Variants in ZNF385B observed in about 807,000 individuals in gnomAD.
ZNF385B encodes the protein zinc finger protein 533.
ZNF385B carries 23 observed loss-of-function variants against 39.2 expected under a neutral mutation model. The ratio of observed to expected loss-of-function variants is 0.59; its 90% CI spans 0.42 to 0.83. ZNF385B has a LOEUF of 0.83. Ranked by LOEUF, ZNF385B falls within the 40% of genes least tolerant of loss-of-function variation. The pLI is 0.00. For missense variants in ZNF385B, 552 were observed against 598.9 expected (o/e 0.92, Z 0.82); for synonymous variants, 205 against 222.6 (o/e 0.92, Z 0.70).
At chr2:179,612,489 G>A (rs1486894010) in intron 3 of ZNF385B, among the ~76,000 whole-genome samples, 1 of 152,046 alleles carries the variant, frequency 6.6e-6, no homozygotes, top group African/African-American at 2.4e-5. Flanking sequence ...ACTTGTAGGG[G>A]CACTGTCTTG....
At chr2:179,611,361 G>A (rs1465942677) in intron 3 of ZNF385B, among the ~76,000 whole-genome samples, 2 of 152,118 alleles carry the variant, frequency 1.3e-5, no homozygotes, top group African/African-American at 4.8e-5. Context: ...ATTTGCGTAT[G>A]TTAAACCATC....
intron 3 of ZNF385B, among the ~76,000 whole-genome samples, chr2:179,566,233 G>A (rs2105979532): frequency 6.6e-6 from 1 of 152,330 alleles, no homozygotes; most frequent in South Asian, 2.1e-4. Flanking sequence ...AATGAAGTAT[G>A]TTCCTAATTT....
At chr2:179,841,937 T>C (rs375725419) in intron 1 of ZNF385B, among the ~76,000 whole-genome samples, 10 of 152,256 alleles carry the variant, frequency 6.6e-5, no homozygotes, top group African/African-American at 2.2e-4. Flanking sequence ...TCCCCACAAA[T>C]ACTTCCACAT....
At chr2:179,523,024 A>G in intron 4 of ZNF385B, 1 of 278,056 alleles carries the variant, frequency 3.6e-6, no homozygotes, top group Non-Finnish European at 7.7e-6. Context: ...CTTTGAGTAA[A>G]AAGCCTGAAA....
Position 179,446,683 on chromosome 2 carries a change from G to A in ZNF385B, c.803C>T (p.Pro268Leu), listed in dbSNP as rs1283452603. The A allele has an allele frequency of 6.2e-7, 1 of 1,613,874 alleles. No homozygotes were observed. The highest frequency in any genetic ancestry group is 8.5e-7 in the Non-Finnish European group (1 of 1,179,976). The change falls in exon 7 of 10, where the codon CCC (proline) becomes CTC (leucine). Residue 268 changes from proline (P) to leucine (L), a missense_variant. Transcript: ENST00000410066. ...GSFLLKSGTT[P>L]LPPGAATSPS... ...AGAAGTGGCTGCTCCAGGTGGCAGG[G>A]GTGTTGTGCCAGATTTGAGGAGAAA...
chr2:179,756,429 A>C (rs1006120670), intron 3 of ZNF385B, among the ~76,000 whole-genome samples: 3 of 151,924 alleles, frequency 2.0e-5, no homozygotes, highest in African/African-American at 7.3e-5. Flanking sequence ...CTTCATTTCA[A>C]CTTTGGTGAA....
intron 3 of ZNF385B, among the ~76,000 whole-genome samples, chr2:179,591,723 C>T (rs565748054): frequency 6.6e-6 from 1 of 151,958 alleles, no homozygotes; most frequent in African/African-American, 2.4e-5. Context: ...TCTCTTTTTT[C>T]CCCCCATAAA....
At chr2:179,809,677 G>A (rs1359195047) in intron 1 of ZNF385B, among the ~76,000 whole-genome samples, 1 of 152,002 alleles carries the variant, frequency 6.6e-6, no homozygotes, top group Admixed American at 6.6e-5. Flanking sequence ...CAGAAATTTT[G>A]AAAAACCTAA....
intron 3 of ZNF385B, among the ~76,000 whole-genome samples, chr2:179,602,368 G>A (rs1323271747): frequency 6.6e-6 from 1 of 152,080 alleles, no homozygotes; most frequent in Non-Finnish European, 1.5e-5. Flanking sequence ...GCTAATTTTT[G>A]TATTTTTAGT....
At chr2:179,571,660 T>C (rs912434058) in intron 3 of ZNF385B, among the ~76,000 whole-genome samples, 1 of 152,214 alleles carries the variant, frequency 6.6e-6, no homozygotes, top group Non-Finnish European at 1.5e-5. Flanking sequence ...AGTTACAACC[T>C]TTAAGTTCTA....
intron 3 of ZNF385B, among the ~76,000 whole-genome samples, chr2:179,696,303 G>C (rs1036214819): frequency 2.3e-5 from 3 of 129,548 alleles, no homozygotes; most frequent in African/African-American, 8.6e-5. Flanking sequence ...AAATTATACT[G>C]GGACACTAGG....
chr2:179,843,662 T>C (rs1575588819), intron 1 of ZNF385B, among the ~76,000 whole-genome samples: 1 of 152,218 alleles, frequency 6.6e-6, no homozygotes, highest in Non-Finnish European at 1.5e-5. Context: ...CATTTGTGCA[T>C]TGGTATATGT....
At chr2:179,481,769 T>C (rs188998197) in intron 6 of ZNF385B, among the ~76,000 whole-genome samples, 2 of 152,314 alleles carry the variant, frequency 1.3e-5, no homozygotes, top group African/African-American at 4.8e-5. Context: ...GGCAGTGATA[T>C]CCTGCATTAA....
rs539221764 is a variant in ZNF385B, at chr2:179,847,258, C to A, written c.-155+13843G>T. Among the ~76,000 whole-genome samples the A allele has an allele frequency of 4.9e-4, 75 of 152,290 alleles. 1 individual carries two copies. Among genetic ancestry groups the A allele is most frequent in the African/African-American group, 1.4e-3 (59 of 41,550 alleles). ...ATTTCTGAGTGGTCCCCACACTATA[C>A]CCTGCAGGATAGCACAATTATTTTG... is the stretch of plus-strand genomic sequence containing the variant. On this transcript the variant is annotated intron_variant, in intron 1 of 9. Coordinates refer to ENST00000410066, the MANE Select transcript of ZNF385B (RefSeq NM_152520.6).
rs929425500 is a variant in ZNF385B at position 179,493,286 on chromosome 2, C to T, written c.553-9852G>A. Among the ~76,000 whole-genome samples, 5 of 151,654 alleles carry T rather than the reference C, an allele frequency of 3.3e-5. No individual in the cohort carries two copies. The East Asian group carries it at 9.7e-4, about 29-fold the overall frequency. On this transcript the variant is annotated intron_variant, in intron 5 of 9. Coordinates refer to ENST00000410066, the MANE Select transcript of ZNF385B (RefSeq NM_152520.6). ...GCTTATAATCTTGTGTAGAGGATAA[C>T]AAAAGTGAATACCATATATAGGCAT...
intron 4 of ZNF385B, among the ~76,000 whole-genome samples, chr2:179,523,222 T>C (rs2058632040): frequency 2.0e-5 from 3 of 152,144 alleles, no homozygotes; most frequent in South Asian, 4.1e-4. Flanking sequence ...ACAATTATAC[T>C]GTAGTACTTA....
intron 3 of ZNF385B, among the ~76,000 whole-genome samples, chr2:179,723,198 G>A (rs1022373404): frequency 1.9e-4 from 29 of 152,074 alleles, no homozygotes; most frequent in African/African-American, 7.0e-4. Flanking sequence ...CAATGCATCT[G>A]GCAGTATTCT....
At chr2:179,665,519 C>G (rs1306798632) in intron 3 of ZNF385B, among the ~76,000 whole-genome samples, 1 of 152,176 alleles carries the variant, frequency 6.6e-6, no homozygotes, top group Non-Finnish European at 1.5e-5. Flanking sequence ...GCTGCGGCTC[C>G]CCAGAAACCT....
chr2:179,735,016 C>T (rs6724585), intron 3 of ZNF385B, among the ~76,000 whole-genome samples: 1 of 151,388 alleles, frequency 6.6e-6, no homozygotes, highest in Non-Finnish European at 1.5e-5. Flanking sequence ...GCAACAAAAG[C>T]CAAAATTGAC....
Sources: gnomAD v4.1 joint callset for allele counts (sites outside exome capture counted in the v4.1 genomes callset) on GRCh38, gnomAD v4.1.1 for gene constraint, MANE v1.5 for transcripts, NCBI Gene and HGNC (gene_info 2026-07-23, HGNC 2026-07-21) for gene names.